The following ENOX1 variants were observed in gnomAD, a reference collection of about 807,000 sequenced individuals.
ENOX1 encodes candidate growth-related and time keeping constitutive hydroquinone (NADH) oxidase.
ENOX1 carries 42 observed loss-of-function variants against 82.5 expected under a neutral mutation model. That is an observed-to-expected ratio of 0.51 (90% CI 0.40 to 0.66). The LOEUF (loss-of-function observed/expected upper bound fraction) is 0.66, where lower values mean the gene tolerates loss of function less well. ENOX1 is among the 30% of genes least tolerant of loss of function. The probability of loss-of-function intolerance (pLI) is 0.00; values close to 1 mark genes in which losing one functional copy is unlikely to be tolerated. For synonymous variants in ENOX1, 271 were observed against 282.2 expected (o/e 0.96, Z 0.40); for missense variants, 608 against 811.6 (o/e 0.75, Z 3.05).
intron 2 of ENOX1, among the ~76,000 whole-genome samples, chr13:43,593,684 A>C (rs2081343737): frequency 1.3e-5 from 1 of 75,750 alleles, no homozygotes; most frequent in Non-Finnish European, 2.4e-5. Context: ...ACACACACAC[A>C]CACACACACA....
At chr13:43,573,072 C>T (rs1245744833) in intron 2 of ENOX1, among the ~76,000 whole-genome samples, 1 of 152,132 alleles carries the variant, frequency 6.6e-6, no homozygotes, top group Non-Finnish European at 1.5e-5. Context: ...CAGAAAGAAA[C>T]AATAACTTGT....
At chr13:43,395,810 C>A (rs1407404915) in intron 5 of ENOX1, among the ~76,000 whole-genome samples, 5 of 152,190 alleles carry the variant, frequency 3.3e-5, no homozygotes, top group African/African-American at 1.2e-4. Flanking sequence ...GAAGCCCATG[C>A]CACGTAGGCT....
chr13:43,245,676 C>A (rs910427528), intron 14 of ENOX1, among the ~76,000 whole-genome samples: 3 of 152,184 alleles, frequency 2.0e-5, no homozygotes, highest in Non-Finnish European at 4.4e-5. Flanking sequence ...CTCTCACCAC[C>A]TCTGCCCTTT....
intron 5 of ENOX1, among the ~76,000 whole-genome samples, chr13:43,402,972 C>T (rs894807884): frequency 1.3e-5 from 2 of 152,004 alleles, no homozygotes; most frequent in African/African-American, 4.8e-5. Context: ...TTCTCTACTC[C>T]AGAGGAAATC....
At chr13:43,719,302 TACACAC>T (rs3024232) in intron 1 of ENOX1, among the ~76,000 whole-genome samples, 2,362 of 126,770 alleles carry the variant, frequency 0.019, 24 homozygotes, top group Non-Finnish European at 0.02. Context: ...TTCATTCAAA[TACACAC>T]ACACACACAC....
At chr13:43,620,099 T>C (rs1215307636) in intron 2 of ENOX1, among the ~76,000 whole-genome samples, 1 of 152,206 alleles carries the variant, frequency 6.6e-6, no homozygotes, top group African/African-American at 2.4e-5. Flanking sequence ...AGTTGTAATA[T>C]CTCCTGTTTC....
At chr13:43,289,574 C>T (rs747015781) in intron 12 of ENOX1, among the ~76,000 whole-genome samples, 14 of 152,108 alleles carry the variant, frequency 9.2e-5, no homozygotes, top group Non-Finnish European at 2.9e-5. Flanking sequence ...AAATTATTAA[C>T]TCAAAACCGG....
chr13:43,214,798 A>G lies in ENOX1; in HGVS notation c.1801-677T>C, dbSNP rs529571629. Reference sequence around the variant, plus strand: ...AGCCATAATCCCTCTGCTCTAGCACAGTGATTGCTTTTGTTGTCCTGTGTT... The same window carrying G: ...AGCCATAATCCCTCTGCTCTAGCACGGTGATTGCTTTTGTTGTCCTGTGTT... On this transcript the variant is annotated intron_variant, in intron 16 of 16. Transcript: ENST00000690772. Among the ~76,000 whole-genome samples, 62 of 152,312 alleles carry G rather than the reference A, an allele frequency of 4.1e-4. 1 individual carries two copies. The South Asian group carries it at 0.013, about 32-fold the overall frequency.
At chr13:43,264,537 C>T (rs1330043664) in intron 14 of ENOX1, among the ~76,000 whole-genome samples, 1 of 152,118 alleles carries the variant, frequency 6.6e-6, no homozygotes, top group African/African-American at 2.4e-5. Flanking sequence ...GAATATTAGG[C>T]TCTCTGTTGT....
intron 3 of ENOX1, among the ~76,000 whole-genome samples, chr13:43,425,273 C>G (rs2055227024): frequency 6.6e-6 from 1 of 152,018 alleles, no homozygotes; most frequent in African/African-American, 2.4e-5. Context: ...CATGGAGGCT[C>G]CCACCCCCAT....
At chr13:43,662,208 T>C (rs967627360) in intron 2 of ENOX1, among the ~76,000 whole-genome samples, 3 of 152,350 alleles carry the variant, frequency 2.0e-5, no homozygotes, top group African/African-American at 7.2e-5. Context: ...CAGTTTTTCA[T>C]GTTTACCCTT....
intron 2 of ENOX1, among the ~76,000 whole-genome samples, chr13:43,535,212 A>G (rs2078404965): frequency 2.0e-5 from 3 of 152,236 alleles, no homozygotes; most frequent in Admixed American, 6.5e-5. Context: ...TTATCATGAA[A>G]GACTTAATAA....
chr13:43,463,016 C>G lies in ENOX1; in HGVS notation c.-75+20993G>C, dbSNP rs561319935. Among the ~76,000 whole-genome samples the G allele has an allele frequency of 2.0e-5, 3 of 152,262 alleles. No homozygotes were observed. In the East Asian group the frequency reaches 5.8e-4, roughly 29 times the overall value. On this transcript the variant is annotated intron_variant, in intron 3 of 16. Coordinates refer to ENST00000690772, the MANE Select transcript of ENOX1 (RefSeq NM_001347969.2). The stretch of plus-strand genomic sequence containing the variant: ...ATGAACTATGTTGCCTTAGAATACT[C>G]AAAGAAGAAAATTATTCAGGTAGAA...
At chr13:43,618,154 CAGATGT>C (rs1479981883) in intron 2 of ENOX1, among the ~76,000 whole-genome samples, 1 of 152,142 alleles carries the variant, frequency 6.6e-6, no homozygotes, top group Admixed American at 6.5e-5. Flanking sequence ...AGTCCTTTGT[CAGATGT>C]ATAGACTGTG....
intron 15 of ENOX1, among the ~76,000 whole-genome samples, chr13:43,229,581 G>A (rs1432474667): frequency 2.6e-5 from 4 of 152,198 alleles, no homozygotes; most frequent in Admixed American, 6.5e-5. Flanking sequence ...CCAAAAGAGT[G>A]GTTCTAAGCA....
chr13:43,654,981 T>A (rs934758385), intron 2 of ENOX1, among the ~76,000 whole-genome samples: 79 of 152,216 alleles, frequency 5.2e-4, no homozygotes, highest in Non-Finnish European at 4.4e-5. Context: ...GGCCTTTTCA[T>A]GAAGTATCTC....
At chr13:43,533,185 C>T (rs1353178227) in intron 2 of ENOX1, among the ~76,000 whole-genome samples, 5 of 152,052 alleles carry the variant, frequency 3.3e-5, no homozygotes, top group Non-Finnish European at 7.4e-5. Flanking sequence ...GAGTAATGAC[C>T]TGATTTTGGA....
chr13:43,518,080 C>T (rs1290822205), intron 2 of ENOX1, among the ~76,000 whole-genome samples: 1 of 152,098 alleles, frequency 6.6e-6, no homozygotes, highest in Non-Finnish European at 1.5e-5. Flanking sequence ...GACAATTAGG[C>T]AGGAAACATA....
rs577636464 is a variant in ENOX1, at chr13:43,433,588, A to G, written c.-74-20600T>C. ...ACATATATGTTTATTCTCTTTAAAT[A>G]TAAGAAAATAATAAATCCTATCCAT... On this transcript the variant is annotated intron_variant, in intron 3 of 16. Transcript: ENST00000690772. 1.9e-3 allele frequency among the ~76,000 whole-genome samples: 289 copies of G among 152,368 alleles called. 2 individuals are homozygous for G. Among genetic ancestry groups the G allele is most frequent in the Middle Eastern group, 0.014 (4 of 294 alleles).
Sources: gnomAD v4.1 joint callset for allele counts (sites outside exome capture counted in the v4.1 genomes callset) on GRCh38, gnomAD v4.1.1 for gene constraint, MANE v1.5 for transcripts, NCBI Gene and HGNC (gene_info 2026-07-23, HGNC 2026-07-21) for gene names.